PCSK9: variants seen among roughly 807,000 people sequenced by gnomAD.
PCSK9 encodes convertase subtilisin/kexin type 9 preproprotein.
PCSK9 carries 57 observed loss-of-function variants against 62.1 expected under a neutral mutation model. The observed-to-expected ratio is 0.92, with a 90% CI of 0.74 to 1.14. The LOEUF (loss-of-function observed/expected upper bound fraction) is 1.14, where lower values mean the gene tolerates loss of function less well. Among genes scored for constraint, PCSK9 ranks in the 50% most tolerant of loss-of-function variants. The pLI is 0.00. For synonymous variants in PCSK9, 387 were observed against 409.4 expected, an observed-to-expected ratio of 0.95 and a Z score of 0.66; for missense variants, 870 against 959.8, an observed-to-expected ratio of 0.91 and a Z score of 1.24.
intron 5 of PCSK9, among the ~76,000 whole-genome samples, chr1:55,053,212 C>T (rs772230963): frequency 2.0e-4 from 31 of 152,234 alleles, no homozygotes; most frequent in Non-Finnish European, 4.0e-4. Flanking sequence ...TGACTGGGCC[C>T]TGCAGGTCAC....
At position 55,040,130 on chromosome 1, in the gene PCSK9, A is replaced by T; in HGVS notation, c.207+86A>T. ...TCCTCTCGGGCCTCAGTTTCCCCCC[A>T]TGTAAGAGAGGAAGTGGAGTGCAGG... On this transcript the variant is annotated intron_variant, in intron 1 of 11. Transcript: ENST00000302118. The surrounding 1 kb of genome is among the most constrained non-coding windows in gnomAD (Gnocchi z 4.1). 2.0e-6 allele frequency: 3 copies of T among 1,482,874 alleles called. No homozygotes were observed. Among genetic ancestry groups the T allele is most frequent in the South Asian group, 2.5e-5 (2 of 81,174 alleles). 91.9% of individuals were successfully genotyped at this position (1,482,874 alleles called of 1,614,324 possible).
At chr1:55,059,068 C>T (rs1644739988) in intron 9 of PCSK9, among the ~76,000 whole-genome samples, 2 of 152,210 alleles carry the variant, frequency 1.3e-5, no homozygotes, top group Admixed American at 1.3e-4. Flanking sequence ...GTTGATGCTA[C>T]AGGATAGTGC....
Position 55,040,797 on chromosome 1 carries a change from G to C in PCSK9, c.207+753G>C, listed in dbSNP as rs576103835. Among the ~76,000 whole-genome samples, 1 of 152,336 alleles carries C rather than the reference G, an allele frequency of 6.6e-6. No individual in the cohort carries two copies. Among genetic ancestry groups the C allele is most frequent in the East Asian group, 1.9e-4 (1 of 5,160 alleles). On this transcript the variant is annotated intron_variant, in intron 1 of 11. Transcript: ENST00000302118. This position sits in a 1 kb window ranked among gnomAD's most constrained non-coding sequence, Gnocchi z 4.1. ...GTACTGGGACCCCGGAGCTGAGCCCGGCGCCTCAGCCCACCTGGCTGTCTG... is the reference window on the plus strand; with the variant it reads ...GTACTGGGACCCCGGAGCTGAGCCCCGCGCCTCAGCCCACCTGGCTGTCTG...
intron 1 of PCSK9, among the ~76,000 whole-genome samples, chr1:55,041,673 A>G (rs902513887): frequency 3.3e-5 from 5 of 152,184 alleles, no homozygotes; most frequent in Admixed American, 2.6e-4. Flanking sequence ...CTTTTCTTTT[A>G]GTCATGAGAA....
chr1:55,057,654 A>G, intron 7 of PCSK9, 140 bp downstream of exon 7: 1 of 1,100,354 alleles, frequency 9.1e-7, no homozygotes. Context: ...CTTCAAGGAC[A>G]CTCAGTCTGA....
In PCSK9 at chr1:55,063,833, C is replaced by T. The variant is rs1644781495; in HGVS notation, c.*249C>T. 3 of 576,234 alleles carry T rather than the reference C, an allele frequency of 5.2e-6. No homozygotes were observed. The highest frequency in any genetic ancestry group is 2.9e-5 in the East Asian group (1 of 34,994). 35.7% of individuals were successfully genotyped at this position (576,234 alleles called of 1,614,324 possible). ...CTCCCTCCCTCACTGTGGGGCATTT[C>T]ACCATTCAAACAGGTCGAGCTGTGC... is the stretch of plus-strand genomic sequence containing the variant. On this transcript the variant is annotated 3_prime_UTR_variant, in exon 12 of 12. Coordinates refer to ENST00000302118, the MANE Select transcript of PCSK9 (RefSeq NM_174936.4).
At chr1:55,054,921 C>T (rs911374774) in intron 5 of PCSK9, among the ~76,000 whole-genome samples, 2 of 151,856 alleles carry the variant, frequency 1.3e-5, no homozygotes, top group South Asian at 2.1e-4. Flanking sequence ...AGGAGAATGG[C>T]GTGAACCCGG....
rs1157096447 is a variant in PCSK9 at position 55,040,802 on chromosome 1, C to T, written c.207+758C>T. ...GGGACCCCGGAGCTGAGCCCGGCGC[C>T]TCAGCCCACCTGGCTGTCTGCCGAC... is the stretch of plus-strand genomic sequence containing the variant. On this transcript the variant is annotated intron_variant, in intron 1 of 11. Transcript: ENST00000302118. The surrounding 1 kb of genome is among the most constrained non-coding windows in gnomAD (Gnocchi z 4.1). 6.6e-6 allele frequency among the ~76,000 whole-genome samples: 1 copy of T among 152,202 alleles called. No homozygotes were observed. Among genetic ancestry groups the T allele is most frequent in the Admixed American group, 6.5e-5 (1 of 15,292 alleles).
In PCSK9 at chr1:55,043,856, T is replaced by G. The variant is rs1252922051; in HGVS notation, c.221T>G (p.Leu74Trp). 1 of 1,614,052 alleles carries G rather than the reference T, an allele frequency of 6.2e-7. No homozygotes were observed. Among genetic ancestry groups the G allele is most frequent in the East Asian group, 2.2e-5 (1 of 44,902 alleles). Residue 74 changes from leucine (L) to tryptophan (W), a missense_variant, in exon 2 of 12, where the codon TTG (leucine) becomes TGG (tryptophan). Physicochemically the swap from Leu to Trp is moderately conservative, Grantham distance 61 (BLOSUM62 -2). Coordinates refer to ENST00000302118, the MANE Select transcript of PCSK9 (RefSeq NM_174936.4). ...FHRCAKDPWR[L>W]PGTYVVVLKE... The stretch of plus-strand genomic sequence containing the variant: ...GCATGGGGCCAGGATCCGTGGAGGT[T>G]GCCTGGCACCTACGTGGTGGTGCTG...
chr1:55,059,445 C>A, intron 9 of PCSK9, 41 bp from the exon 10 acceptor site: 1 of 1,548,962 alleles, frequency 6.5e-7, no homozygotes, highest in South Asian at 1.2e-5. Context: ...TTTTCAAAGC[C>A]CATTCTAAAG....
chr1:55,044,121 C>A, intron 2 of PCSK9, 87 bp downstream of exon 2: 1 of 1,470,428 alleles, frequency 6.8e-7, no homozygotes, highest in Non-Finnish European at 9.4e-7. Flanking sequence ...AGGCCCATTG[C>A]TGAAAATCAG....
At chr1:55,051,108 G>T (rs599037) in intron 3 of PCSK9, 450,624 of 455,410 alleles carry the variant, frequency 0.99, 223,131 homozygotes, top group East Asian at 1. Context: ...GGGAATTTGT[G>T]ACCGAAGCCA....
rs1251178109 is a variant in PCSK9 at position 55,046,659 on chromosome 1, T to A, written c.523+13T>A. On this transcript the variant is annotated intron_variant, in intron 3 of 11. Transcript: ENST00000302118. ...TACCAGCCCCCCGGTAAGACCCCCA[T>A]CTGTGCCCTGCCCCACCCCATCTGA... is the stretch of plus-strand genomic sequence containing the variant. 1.2e-6 allele frequency: 2 copies of A among 1,612,776 alleles called. No individual in the cohort carries two copies. The highest frequency in any genetic ancestry group is 1.7e-6 in the Non-Finnish European group (2 of 1,179,828).
At position 55,043,792 on chromosome 1, in the gene PCSK9, G is replaced by T. The variant is rs980198382; in HGVS notation, c.208-51G>T. On this transcript the variant is annotated intron_variant, in intron 1 of 11. Transcript: ENST00000302118. ...TAGGGGTGAGATAAAGTACACCTAG[G>T]GTTTGCTGGGTTTCTTCCATGTCAT... The T allele has an allele frequency of 4.4e-6, 7 of 1,598,742 alleles. No homozygotes were observed. In the East Asian group the frequency reaches 1.6e-4, roughly 36 times the overall value.
Position 55,057,466 on chromosome 1 carries a change from T to G in PCSK9, c.1132T>G (p.Cys378Gly). ...IIGASSDCST[C>G]FVSQSGTSQA... ...TGGTGCCTCCAGCGACTGCAGCACC[T>G]GCTTTGTGTCACAGAGTGGGACATC... Residue 378 changes from cysteine to glycine, a missense_variant, in exon 7 of 12, where the codon TGC becomes GGC. Cys to Gly is a radical substitution (Grantham distance 159). Transcript: ENST00000302118. 6.2e-7 allele frequency: 1 copy of G among 1,613,978 alleles called. No individual in the cohort carries two copies. The highest frequency in any genetic ancestry group is 8.5e-7 in the Non-Finnish European group (1 of 1,180,018).
At chr1:55,049,174 A>C (rs1431638266) in intron 3 of PCSK9, among the ~76,000 whole-genome samples, 1 of 152,154 alleles carries the variant, frequency 6.6e-6, no homozygotes, top group Non-Finnish European at 1.5e-5. Context: ...TCTAGCCAAG[A>C]CCTACGGGGG....
chr1:55,063,439 T>C lies in PCSK9; in HGVS notation c.1934T>C (p.Leu645Pro). Reference protein sequence around the residue: ...CSALPGTSHVLGAYAVDNTCV... With the variant: ...CSALPGTSHVPGAYAVDNTCV... ...GCCCTCCCTGGGACCTCCCACGTCC[T>C]GGGGGCCTACGCCGTAGACAACACG... The change falls in exon 12 of 12, where the codon CTG (leucine) becomes CCG (proline). Residue 645 changes from leucine (L) to proline (P), a missense_variant. Leu to Pro is a moderately conservative substitution (Grantham distance 98). Coordinates refer to ENST00000302118, the MANE Select transcript of PCSK9 (RefSeq NM_174936.4). The C allele has an allele frequency of 6.2e-7, 1 of 1,614,022 alleles. No individual in the cohort carries two copies. Among genetic ancestry groups the C allele is most frequent in the Non-Finnish European group, 8.5e-7 (1 of 1,179,986 alleles).
chr1:55,053,038 A>T (rs899212434), intron 5 of PCSK9, among the ~76,000 whole-genome samples: 1 of 152,232 alleles, frequency 6.6e-6, no homozygotes, highest in African/African-American at 2.4e-5. Flanking sequence ...CCCTGGGTCA[A>T]TGACCTTTCC....
chr1:55,056,443 G>C lies in PCSK9; in HGVS notation c.996+254G>C, dbSNP rs28362254. On this transcript the variant is annotated intron_variant, in intron 6 of 11. Transcript: ENST00000302118. ...TGGCCCCGCCATGCGCCCACGTAGC[G>C]GCGCCTACGTAGCCACGCCCCCACA... 1.4e-3 allele frequency among the ~76,000 whole-genome samples: 214 copies of C among 152,232 alleles called. 3 individuals carry two copies. In the East Asian group the frequency reaches 0.038, roughly 27 times the overall value.
Sources: allele counts gnomAD v4.1 joint callset (sites outside exome capture counted in the v4.1 genomes callset), GRCh38; gene constraint gnomAD v4.1.1; non-coding constraint Gnocchi (gnomAD v3.1); transcripts MANE v1.5; gene names NCBI Gene and HGNC (gene_info 2026-07-23, HGNC 2026-07-21).